WNK3: variants seen among roughly 807,000 people sequenced by gnomAD.
The protein encoded by WNK3 is serine/threonine-protein kinase WNK3.
In WNK3, 18 loss-of-function variants were observed where a neutral mutation model predicts 116.7. The ratio of observed to expected loss-of-function variants is 0.15; its 90% CI spans 0.11 to 0.23. The LOEUF (loss-of-function observed/expected upper bound fraction) is 0.23, where lower values mean the gene tolerates loss of function less well. WNK3 is among the 10% of genes least tolerant of loss of function. The pLI is 1.00. For synonymous variants in WNK3, 404 were observed against 469.4 expected, an observed-to-expected ratio of 0.86 and a Z score of 1.80; for missense variants, 993 against 1,323.8, an observed-to-expected ratio of 0.75 and a Z score of 3.88.
At chrX:54,215,069 A>T (rs1404149523) in intron 22 of WNK3, among the ~76,000 whole-genome samples, 4 of 97,013 alleles carry the variant, frequency 4.1e-5, no homozygotes, top group African/African-American at 1.6e-4. Flanking sequence ...GTGAGCCGAG[A>T]CTGTGCCAGT....
intron 6 of WNK3, among the ~76,000 whole-genome samples, chrX:54,301,392 A>AT (rs1327212537): frequency 9.0e-6 from 1 of 111,379 alleles, no homozygotes; most frequent in Non-Finnish European, 1.9e-5. Flanking sequence ...TCTTCTATCC[A>AT]TATTAGCTTT....
intron 22 of WNK3, among the ~76,000 whole-genome samples, chrX:54,217,135 G>A (rs188070560): frequency 1.5e-4 from 16 of 109,236 alleles, no homozygotes; most frequent in Admixed American, 9.9e-4. Context: ...TGGCTAACAC[G>A]CTGAAACCCC....
chrX:54,216,457 A>T (rs1447650963), intron 22 of WNK3, among the ~76,000 whole-genome samples: 1 of 110,086 alleles, frequency 9.1e-6, no homozygotes, highest in East Asian at 2.8e-4. Flanking sequence ...AAACTATGGG[A>T]AAGTGCAGGC....
chrX:54,198,587 C>G (rs1557140889), exon 24 of WNK3: 1 of 1,210,020 alleles, frequency 8.3e-7, no homozygotes, highest in Non-Finnish European at 1.1e-6. Context: ...GAAGTTGGGA[C>G]AGCTCCACGG....
intron 5 of WNK3, among the ~76,000 whole-genome samples, chrX:54,306,552 T>C (rs1557168702): frequency 1.8e-5 from 2 of 111,136 alleles, no homozygotes. Flanking sequence ...GAAAGACAAA[T>C]ACAACATGAT....
At chrX:54,221,753 T>C (rs1388136420) in intron 22 of WNK3, among the ~76,000 whole-genome samples, 1 of 110,821 alleles carries the variant, frequency 9.0e-6, no homozygotes, top group African/African-American at 3.3e-5. Context: ...GAGAATCGCT[T>C]GAACCCAGAG....
chrX:54,234,044 TA>T (rs1290522631), intron 20 of WNK3, among the ~76,000 whole-genome samples: 21 of 109,428 alleles, frequency 1.9e-4, no homozygotes, highest in African/African-American at 6.7e-4. Flanking sequence ...ACCATAATGC[TA>T]AAAGAACACT....
At chrX:54,352,964 A>G (rs1417358525) in intron 1 of WNK3, among the ~76,000 whole-genome samples, 1 of 112,254 alleles carries the variant, frequency 8.9e-6, no homozygotes, top group Non-Finnish European at 1.9e-5. Flanking sequence ...AGTGAAAGCC[A>G]GACACAAAAG....
chrX:54,297,454 G>A (rs1265523565), intron 7 of WNK3, among the ~76,000 whole-genome samples: 1 of 109,506 alleles, frequency 9.1e-6, no homozygotes, highest in African/African-American at 3.3e-5. Context: ...GCAGGCGCCT[G>A]TAATCCCAGC....
chrX:54,272,401 T>C (rs1400716231), intron 10 of WNK3, among the ~76,000 whole-genome samples: 1 of 108,008 alleles, frequency 9.3e-6, no homozygotes, highest in Non-Finnish European at 1.9e-5. Context: ...TAAGCTATGA[T>C]AGTGCCACTG....
At chrX:54,312,253 G>T (rs1298477609) in intron 2 of WNK3, among the ~76,000 whole-genome samples, 1 of 110,405 alleles carries the variant, frequency 9.1e-6, no homozygotes, top group African/African-American at 3.3e-5. Flanking sequence ...TTGAACCTGG[G>T]AGGCAGAGGT....
intron 1 of WNK3, among the ~76,000 whole-genome samples, chrX:54,357,342 C>CA (rs1209590717): frequency 0.011 from 1,134 of 105,380 alleles, 13 homozygotes; most frequent in African/African-American, 0.037. Context: ...CAACAACAAC[C>CA]AAAAAAAAAA....
intron 2 of WNK3, among the ~76,000 whole-genome samples, chrX:54,323,673 C>A (rs1275183037): frequency 9.0e-6 from 1 of 111,244 alleles, no homozygotes; most frequent in Non-Finnish European, 1.9e-5. Context: ...CTACTGTCAA[C>A]CCTACCATTT....
intron 20 of WNK3, 55 bp from the exon 21 acceptor site, chrX:54,233,075 G>T: frequency 1.0e-6 from 1 of 963,273 alleles, no homozygotes; most frequent in Non-Finnish European, 1.5e-6. Context: ...ATAAAGATGA[G>T]CCAAGAAACT....
intron 1 of WNK3, among the ~76,000 whole-genome samples, chrX:54,348,049 A>G (rs1306845704): frequency 9.0e-6 from 1 of 111,241 alleles, no homozygotes; most frequent in Non-Finnish European, 1.9e-5. Flanking sequence ...TTCAGTACAT[A>G]TAAGTTTCTC....
At chrX:54,196,627 A>G (rs1557140204) in exon 24 of WNK3, 1 of 111,786 alleles carries the variant, frequency 8.9e-6, no homozygotes, top group Non-Finnish European at 1.9e-5. Context: ...TGTATTAGAA[A>G]TGACCTTAAA....
exon 24 of WNK3, chrX:54,196,405 C>T (rs1287818342): frequency 3.1e-5 from 3 of 95,701 alleles, no homozygotes; most frequent in East Asian, 3.1e-4. Flanking sequence ...ACATAAAACA[C>T]ATTTTTTTTT....
At chrX:54,357,297 C>T (rs1473408368) in intron 1 of WNK3, among the ~76,000 whole-genome samples, 2 of 109,903 alleles carry the variant, frequency 1.8e-5, no homozygotes, top group Non-Finnish European at 3.8e-5. Flanking sequence ...TCCCCGTCCC[C>T]TGGTCTTCCA....
chrX:54,238,822 A>G (rs1437890424), intron 18 of WNK3, 46 bp downstream of exon 18: 2 of 980,592 alleles, frequency 2.0e-6, no homozygotes, highest in African/African-American at 2.0e-5. Context: ...TAAGTAAATG[A>G]AAAGTGATGT....
Sources: allele counts gnomAD v4.1 joint callset (sites outside exome capture counted in the v4.1 genomes callset), GRCh38; gene constraint gnomAD v4.1.1; transcripts MANE v1.5; gene names NCBI Gene and HGNC (gene_info 2026-07-23, HGNC 2026-07-21).